CFAP20DC: variants seen among roughly 807,000 people sequenced by gnomAD.
The protein encoded by CFAP20DC is CFAP20 domain containing.
Under a neutral mutation model 101.7 loss-of-function variants are expected in CFAP20DC, and 84 were observed. That is an observed-to-expected ratio of 0.83 (90% CI 0.69 to 0.99). The LOEUF (loss-of-function observed/expected upper bound fraction) is 0.99, where lower values mean the gene tolerates loss of function less well. Among genes scored for constraint, CFAP20DC ranks in the 50% least tolerant of loss-of-function variants. The probability of loss-of-function intolerance (pLI) is 0.00; values close to 1 mark genes in which losing one functional copy is unlikely to be tolerated. For synonymous variants in CFAP20DC, 359 were observed against 351.2 expected (o/e 1.02, Z -0.25); for missense variants, 1,007 against 970.3 (o/e 1.04, Z -0.50).
intron 5 of CFAP20DC, among the ~76,000 whole-genome samples, chr3:58,925,029 T>C (rs2085799183): frequency 6.6e-6 from 1 of 152,118 alleles, no homozygotes; most frequent in Admixed American, 6.5e-5. Flanking sequence ...ATTATGAACA[T>C]ATTTTCTTTA....
At chr3:58,756,974 A>G (rs2069011205) in intron 15 of CFAP20DC, among the ~76,000 whole-genome samples, 1 of 152,068 alleles carries the variant, frequency 6.6e-6, no homozygotes, top group African/African-American at 2.4e-5. Context: ...ATGTTTGAGC[A>G]TGTTTTCAAT....
At chr3:58,926,801 C>A (rs1357064894) in intron 5 of CFAP20DC, among the ~76,000 whole-genome samples, 1 of 152,184 alleles carries the variant, frequency 6.6e-6, no homozygotes, top group East Asian at 1.9e-4. Context: ...CACTGGGTAT[C>A]TGAATTCTAG....
rs779796914 is a variant in CFAP20DC, at chr3:58,867,814, T to C, written c.1135+3A>G. On this transcript the variant is annotated splice_donor_region_variant and intron_variant, in intron 10 of 16. Coordinates refer to ENST00000482387, the MANE Select transcript of CFAP20DC (RefSeq NM_001394063.1). ...ATAAGATAGGATTGAAATAGTGCCA[T>C]ACCGCTGGGTGTCTCTGTCCTTTCT... 3.1e-6 allele frequency: 5 copies of C among 1,613,516 alleles called. No individual in the cohort carries two copies. In the South Asian group the frequency reaches 5.5e-5, roughly 18 times the overall value.
rs960554347 is a variant in CFAP20DC, at chr3:59,015,088, C to CTA, written c.278+24467_278+24468dup. ...GGATGGAGTAGTGACAATGAAGGGA[C>CTA]TAAGGGCTGAAGAGCCTAAGGTTGA... On this transcript the variant is annotated intron_variant, in intron 4 of 16. Coordinates refer to ENST00000482387, the MANE Select transcript of CFAP20DC (RefSeq NM_001394063.1). The surrounding 1 kb of genome is among the most constrained non-coding windows in gnomAD (Gnocchi z 5.4). 1.7e-4 allele frequency among the ~76,000 whole-genome samples: 26 copies of CTA among 152,164 alleles called. No individual in the cohort carries two copies. Among genetic ancestry groups the CTA allele is most frequent in the African/African-American group, 5.5e-4 (23 of 41,508 alleles).
chr3:58,823,548 C>A (rs948945943), intron 14 of CFAP20DC, among the ~76,000 whole-genome samples: 1 of 151,994 alleles, frequency 6.6e-6, no homozygotes, highest in African/African-American at 2.4e-5. Context: ...ATAGGATGAA[C>A]AACTACATTC....
chr3:59,036,842 G>T (rs2094112732), intron 4 of CFAP20DC, among the ~76,000 whole-genome samples: 1 of 152,110 alleles, frequency 6.6e-6, no homozygotes, highest in African/African-American at 2.4e-5. Context: ...TAAGCAAAAA[G>T]AACAAAGCTG....
At chr3:58,806,765 C>T (rs919610641) in intron 14 of CFAP20DC, among the ~76,000 whole-genome samples, 1 of 152,242 alleles carries the variant, frequency 6.6e-6, no homozygotes, top group Non-Finnish European at 1.5e-5. Flanking sequence ...CAGGGCGAAG[C>T]ATTGCCTCAC....
intron 16 of CFAP20DC, among the ~76,000 whole-genome samples, chr3:58,750,605 G>A (rs557051816): frequency 2.6e-5 from 4 of 152,198 alleles, no homozygotes; most frequent in Non-Finnish European, 4.4e-5. Context: ...GCAATGATGT[G>A]GGGGAAGCCT....
chr3:58,911,170 C>A (rs2084111774), intron 6 of CFAP20DC, among the ~76,000 whole-genome samples: 1 of 151,894 alleles, frequency 6.6e-6, no homozygotes, highest in East Asian at 1.9e-4. Flanking sequence ...CATGAATGCC[C>A]CAAGAGAAGT....
chr3:58,981,746 T>G (rs1301469153), intron 4 of CFAP20DC, among the ~76,000 whole-genome samples: 1 of 152,112 alleles, frequency 6.6e-6, no homozygotes, highest in Admixed American at 6.5e-5. Context: ...CCTAAAACCA[T>G]AAAAACCCTA....
chr3:58,999,213 T>C (rs961851492), intron 4 of CFAP20DC, among the ~76,000 whole-genome samples: 4 of 152,146 alleles, frequency 2.6e-5, no homozygotes, highest in African/African-American at 9.7e-5. Flanking sequence ...ACAAGGTCAG[T>C]GGAACATATG....
downstream of CFAP20DC, among the ~76,000 whole-genome samples, chr3:58,716,384 C>T (rs988068081): frequency 9.2e-5 from 14 of 151,730 alleles, no homozygotes; most frequent in Non-Finnish European, 1.3e-4. Context: ...AGGATGGTCT[C>T]GATCTCCTGA....
intron 3 of CFAP20DC, among the ~76,000 whole-genome samples, chr3:59,043,928 C>A (rs1479346793): frequency 6.6e-6 from 1 of 152,070 alleles, no homozygotes; most frequent in African/African-American, 2.4e-5. Flanking sequence ...CAACCATGTA[C>A]CAGGCACTGA....
chr3:59,040,110 G>C (rs2109233446), intron 3 of CFAP20DC, among the ~76,000 whole-genome samples: 1 of 152,092 alleles, frequency 6.6e-6, no homozygotes, highest in Middle Eastern at 3.4e-3. Context: ...CTGAAGGTTT[G>C]ATGAGCCATA....
At chr3:58,739,610 C>T (rs1318877997), downstream of CFAP20DC, among the ~76,000 whole-genome samples, 1 of 152,254 alleles carries the variant, frequency 6.6e-6, no homozygotes, top group East Asian at 1.9e-4. Context: ...ACCCTGACTG[C>T]ATATTGGCAT....
chr3:59,003,748 T>G lies in CFAP20DC; in HGVS notation c.278+35809A>C, dbSNP rs145993395. 7.4e-4 allele frequency among the ~76,000 whole-genome samples: 112 copies of G among 152,324 alleles called. 1 individual carries two copies. Among genetic ancestry groups the G allele is most frequent in the African/African-American group, 2.6e-3 (108 of 41,578 alleles). On this transcript the variant is annotated intron_variant, in intron 4 of 16. Transcript: ENST00000482387. ...GGTCAATCCTGACTTTGCCACATTA[T>G]AGCATTCCAGGAAAAGTTTGAAACT...
chr3:58,863,966 G>A lies in CFAP20DC; in HGVS notation c.1259-74C>T. 2 of 1,387,572 alleles carry A rather than the reference G, an allele frequency of 1.4e-6. No individual in the cohort carries two copies. Among genetic ancestry groups the A allele is most frequent in the Non-Finnish European group, 1.9e-6 (2 of 1,053,754 alleles). The allele number at this position is 1,387,572 out of a possible 1,614,324, so 86.0% of individuals were successfully genotyped here. On this transcript the variant is annotated intron_variant, in intron 11 of 16. Transcript: ENST00000482387. This position sits in a 1 kb window ranked among gnomAD's most constrained non-coding sequence, Gnocchi z 5.9. ...TGTTATTTTTATTTATTTATTTTTA[G>A]TTTTAGTTTTTGAGACAGTCTCACT...
At chr3:58,803,111 G>A (rs564682258) in intron 15 of CFAP20DC, among the ~76,000 whole-genome samples, 8 of 152,270 alleles carry the variant, frequency 5.3e-5, no homozygotes, top group African/African-American at 1.7e-4. Context: ...AAAAACCTTA[G>A]GATCTTCGGT....
intron 12 of CFAP20DC, among the ~76,000 whole-genome samples, chr3:58,856,301 CACACACACACACAT>C (rs564678087): frequency 0.039 from 5,800 of 146,840 alleles, 166 homozygotes; most frequent in African/African-American, 0.092. Flanking sequence ...CACACACACA[CACACACACACACAT>C]AACTGATGGA....
Sources: allele counts gnomAD v4.1 joint callset (sites outside exome capture counted in the v4.1 genomes callset), GRCh38; gene constraint gnomAD v4.1.1; non-coding constraint Gnocchi (gnomAD v3.1); transcripts MANE v1.5; gene names NCBI Gene and HGNC (gene_info 2026-07-23, HGNC 2026-07-21).